Variants in PPAT observed in about 807,000 individuals in gnomAD.
PPAT encodes the protein amidophosphoribosyltransferase.
PPAT carries 20 observed loss-of-function variants against 60.2 expected under a neutral mutation model. The observed-to-expected ratio is 0.33, with a 90% confidence interval of 0.23 to 0.48. The LOEUF is 0.48. Among genes scored for constraint, PPAT ranks in the 20% least tolerant of loss-of-function variants. The pLI, the probability that PPAT is intolerant of heterozygous loss-of-function variation, is 0.99. For synonymous variants in PPAT, 194 were observed against 215.1 expected (o/e 0.90, Z 0.86); for missense variants, 349 against 629.6 (o/e 0.55, Z 4.77).
rs371481865 is a variant in PPAT, at chr4:56,403,446, C to T, written c.403-45G>A. The T allele has an allele frequency of 4.2e-6, 6 of 1,423,182 alleles. No homozygotes were observed. In the African/African-American group the frequency reaches 7.2e-5, roughly 17 times the overall value. 88.2% of individuals were successfully genotyped at this position (1,423,182 alleles called of 1,614,324 possible). A position where few individuals can be genotyped will look rare whatever the true frequency, so the allele number is the denominator to read the frequency against. On this transcript the variant is annotated intron_variant, in intron 3 of 10. Transcript: ENST00000264220. Reference sequence around the variant, plus strand: ...AGTTTAATCATCAGAGGGGAAGCTCCACCCCACCCCAAACCCAGTAGCCAA... The same window carrying T: ...AGTTTAATCATCAGAGGGGAAGCTCTACCCCACCCCAAACCCAGTAGCCAA...
At chr4:56,401,185 T>C in intron 7 of PPAT, 145 bp downstream of exon 7, 4 of 846,408 alleles carry the variant, frequency 4.7e-6, no homozygotes, top group East Asian at 2.7e-5. Context: ...AGTGATCTTA[T>C]GACTTGTGGG....
intron 1 of PPAT, chr4:56,419,979 G>C: frequency 1.0e-6 from 1 of 985,118 alleles, no homozygotes; most frequent in African/African-American, 1.7e-5. Flanking sequence ...AAAATCACGA[G>C]ACCAGGAATC....
chr4:56,418,062 C>T (rs1160366768), intron 1 of PPAT, among the ~76,000 whole-genome samples: 1 of 152,124 alleles, frequency 6.6e-6, no homozygotes, highest in African/African-American at 2.4e-5. Context: ...TGGTCTTGAT[C>T]TCCTGACCTC....
At chr4:56,402,310 C>A in intron 5 of PPAT, 129 bp from the exon 6 acceptor site, 1 of 528,368 alleles carries the variant, frequency 1.9e-6, no homozygotes, top group South Asian at 4.0e-5. Flanking sequence ...ACTTTAAGAG[C>A]ACATGGATCC....
intron 1 of PPAT, among the ~76,000 whole-genome samples, chr4:56,410,246 T>C (rs984363277): frequency 2.6e-5 from 4 of 152,126 alleles, no homozygotes; most frequent in Non-Finnish European, 4.4e-5. Flanking sequence ...AGAAAAGAAA[T>C]ACACAAAAAA....
intron 1 of PPAT, chr4:56,431,656 T>G: frequency 1.4e-5 from 4 of 280,960 alleles, no homozygotes; most frequent in Non-Finnish European, 2.2e-5. Flanking sequence ...GGTTATCTCC[T>G]AATCAAGGAA....
At chr4:56,405,802 T>C (rs1351075992) in intron 3 of PPAT, among the ~76,000 whole-genome samples, 1 of 152,216 alleles carries the variant, frequency 6.6e-6, no homozygotes, top group Admixed American at 6.5e-5. Context: ...GGTAAATGTA[T>C]ACAAAGCACT....
chr4:56,406,474 A>AAAAC lies in PPAT; in HGVS notation c.402+17_402+20dup, dbSNP rs200340968. The AAAAC allele has an allele frequency of 1.1e-5, 18 of 1,597,322 alleles. 1 individual carries two copies. The highest frequency in any genetic ancestry group is 3.3e-5 in the South Asian group (3 of 90,576). ...CCTAATCATTTAAAAAGGCCTAGGG[A>AAAAC]AAACAAACAAACAAACGTACCTTTT... On this transcript the variant is annotated intron_variant, in intron 3 of 10. Transcript: ENST00000264220.
rs577069790 is a variant in PPAT, at chr4:56,403,429, C to T, written c.403-28G>A. ...ATATAGAAAAAAAGAGAAGTTTAATCATCAGAGGGGAAGCTCCACCCCACC... is the reference window on the plus strand; with the variant it reads ...ATATAGAAAAAAAGAGAAGTTTAATTATCAGAGGGGAAGCTCCACCCCACC... On this transcript the variant is annotated intron_variant, in intron 3 of 10. Coordinates refer to ENST00000264220, the MANE Select transcript of PPAT (RefSeq NM_002703.5). The T allele has an allele frequency of 1.1e-4, 162 of 1,531,384 alleles. No homozygotes were observed. In the African/African-American group the frequency reaches 2.0e-3, roughly 18 times the overall value. The allele number at this position is 1,531,384 out of a possible 1,614,324, so 94.9% of individuals were successfully genotyped here.
chr4:56,425,417 C>T (rs1717237390), intron 1 of PPAT: 9 of 940,286 alleles, frequency 9.6e-6, no homozygotes, highest in Non-Finnish European at 1.1e-5. Flanking sequence ...TTCAGAAAAC[C>T]GAAGACTTAC....
intron 1 of PPAT, among the ~76,000 whole-genome samples, chr4:56,427,021 A>C (rs1012810306): frequency 6.6e-6 from 1 of 152,150 alleles, no homozygotes; most frequent in Non-Finnish European, 1.5e-5. Context: ...TGCCTGGCTT[A>C]TTTCACTTAT....
chr4:56,399,600 A>G (rs890987438), intron 8 of PPAT, 200 bp from the exon 9 acceptor site: 27 of 487,480 alleles, frequency 5.5e-5, no homozygotes, highest in African/African-American at 4.5e-4. Flanking sequence ...GAGGACTCAT[A>G]ATGTTTTTGT....
intron 1 of PPAT, among the ~76,000 whole-genome samples, chr4:56,424,475 C>T (rs1292313080): frequency 6.6e-6 from 1 of 152,032 alleles, no homozygotes; most frequent in Non-Finnish European, 1.5e-5. Flanking sequence ...TTTGCTAATG[C>T]CGATAGATTA....
chr4:56,413,157 G>GGTTTT (rs1243207235), intron 1 of PPAT, among the ~76,000 whole-genome samples: 3 of 149,288 alleles, frequency 2.0e-5, no homozygotes, highest in East Asian at 1.9e-4. Flanking sequence ...TTTGGTTTTT[G>GGTTTT]GTTTTGTTTT....
Position 56,410,431 on chromosome 4 carries a change from G to A in PPAT, c.129-2715C>T, listed in dbSNP as rs574606111. 16 of 698,200 alleles carry A rather than the reference G, an allele frequency of 2.3e-5. No individual in the cohort carries two copies. In the South Asian group the frequency reaches 1.0e-3, roughly 45 times the overall value. The allele number at this position is 698,200 out of a possible 1,614,324, so 43.3% of individuals were successfully genotyped here. On this transcript the variant is annotated intron_variant, in intron 1 of 10. Coordinates refer to ENST00000264220, the MANE Select transcript of PPAT (RefSeq NM_002703.5). ...TAAACTACATCCTTTCAGCTCTTCG[G>A]AGCTTATTGACAACCAGCCATGTGG...
chr4:56,401,244 G>C, intron 7 of PPAT, 86 bp downstream of exon 7: 1 of 1,263,450 alleles, frequency 7.9e-7, no homozygotes, highest in South Asian at 1.5e-5. Context: ...AAAGAGCCAG[G>C]TAAGCCTTTG....
intron 1 of PPAT, chr4:56,410,691 G>A (rs1168551267): frequency 1.0e-6 from 1 of 986,132 alleles, no homozygotes; most frequent in Non-Finnish European, 1.2e-6. Context: ...TGGAAACAGT[G>A]CTGGGCTAAG....
intron 3 of PPAT, 146 bp from the exon 4 acceptor site, chr4:56,403,547 C>A: frequency 1.6e-6 from 1 of 626,010 alleles, no homozygotes; most frequent in Non-Finnish European, 2.7e-6. Context: ...CAGTCCCCAA[C>A]CTTTTTGGCA....
At chr4:56,401,266 G>T (rs754464748) in intron 7 of PPAT, 64 bp downstream of exon 7, 4 of 1,421,894 alleles carry the variant, frequency 2.8e-6, no homozygotes, top group Non-Finnish European at 3.8e-6. Flanking sequence ...GGCAAGAATT[G>T]CCATGTTTCA....
Sources: allele counts gnomAD v4.1 joint callset (sites outside exome capture counted in the v4.1 genomes callset), GRCh38; gene constraint gnomAD v4.1.1; transcripts MANE v1.5; gene names NCBI Gene and HGNC (gene_info 2026-07-23, HGNC 2026-07-21).